The following ANKS1B variants were observed in gnomAD, a reference collection of about 807,000 sequenced individuals.
The protein encoded by ANKS1B is ankyrin repeat and sterile alpha motif domain containing 1B, also known as ankyrin repeat and sterile alpha motif domain-containing protein 1B.
Under a neutral mutation model 148.3 loss-of-function variants are expected in ANKS1B, and 36 were observed. The observed-to-expected ratio is 0.24, with a 90% CI of 0.19 to 0.32. ANKS1B has a LOEUF of 0.32. Among genes scored for constraint, ANKS1B ranks in the 10% least tolerant of loss-of-function variants. The probability of loss-of-function intolerance (pLI) is 1.00; values close to 1 mark genes in which losing one functional copy is unlikely to be tolerated. For synonymous variants in ANKS1B, 542 were observed against 560.8 expected, an observed-to-expected ratio of 0.97 and a Z score of 0.47; for missense variants, 1,157 against 1,542.6, an observed-to-expected ratio of 0.75 and a Z score of 4.19.
In ANKS1B at chr12:98,783,078, G is replaced by A. The variant is rs148461137; in HGVS notation, c.3343-941C>T. 2.2e-3 allele frequency among the ~76,000 whole-genome samples: 330 copies of A among 152,320 alleles called. 1 individual carries two copies. Among genetic ancestry groups the A allele is most frequent in the African/African-American group, 6.9e-3 (288 of 41,566 alleles). ...TCTGCAAAGCGTCACAGTGGATTTC[G>A]GTAAATCACCTCACTTATCTTTTGC... On this transcript the variant is annotated intron_variant, in intron 22 of 26. Coordinates refer to ENST00000683438, the MANE Select transcript of ANKS1B (RefSeq NM_001352186.2).
At chr12:99,711,957 A>G (rs985880302) in intron 8 of ANKS1B, among the ~76,000 whole-genome samples, 2 of 152,340 alleles carry the variant, frequency 1.3e-5, no homozygotes, top group Admixed American at 6.5e-5. Flanking sequence ...ATGCCCATCA[A>G]TGATAGACTG....
intron 9 of ANKS1B, among the ~76,000 whole-genome samples, chr12:99,608,696 C>T (rs1324395730): frequency 2.6e-5 from 4 of 152,026 alleles, no homozygotes; most frequent in African/African-American, 9.7e-5. Context: ...TTAGGGAAGA[C>T]ACAGGACCAA....
intron 1 of ANKS1B, among the ~76,000 whole-genome samples, chr12:99,938,541 T>A (rs140833492): frequency 6.6e-6 from 1 of 152,154 alleles, no homozygotes; most frequent in African/African-American, 2.4e-5. Context: ...GACTAACACA[T>A]CTTTCTTCTT....
rs980339255 is a variant in ANKS1B at position 99,326,597 on chromosome 12, C to T, written c.1756+73034G>A. 1.1e-4 allele frequency among the ~76,000 whole-genome samples: 16 copies of T among 152,134 alleles called. No individual in the cohort carries two copies. The South Asian group carries it at 3.3e-3, about 32-fold the overall frequency. On this transcript the variant is annotated intron_variant, in intron 12 of 26. Transcript: ENST00000683438. ...GACTACATTAACATTGTTAAATTCC[C>T]AGTACAGGACTTGAGGGATGAACTA...
chr12:99,305,314 T>C (rs1180726051), intron 12 of ANKS1B, among the ~76,000 whole-genome samples: 3 of 152,052 alleles, frequency 2.0e-5, no homozygotes, highest in Non-Finnish European at 4.4e-5. Flanking sequence ...AGTACCTATT[T>C]TACAAATTGT....
chr12:99,425,382 A>C (rs907241059), intron 11 of ANKS1B, among the ~76,000 whole-genome samples: 1 of 152,006 alleles, frequency 6.6e-6, no homozygotes, highest in Non-Finnish European at 1.5e-5. Flanking sequence ...TGTTATAAAT[A>C]GTAGTACAAT....
In ANKS1B at chr12:99,864,079, C is replaced by CAAA. The variant is rs11445634; in HGVS notation, c.135-38693_135-38691dup. Reference sequence around the variant, plus strand: ...CTGGCAACAGAGCGAGACTACATCTCAAAAAAAAAAAAAAAAAAAAAAGTA... The same window carrying CAAA: ...CTGGCAACAGAGCGAGACTACATCTCAAAAAAAAAAAAAAAAAAAAAAAAAGTA... On this transcript the variant is annotated intron_variant, in intron 1 of 26. Transcript: ENST00000683438. Among the ~76,000 whole-genome samples, 200 of 64,590 alleles carry CAAA rather than the reference C, an allele frequency of 3.1e-3. 3 individuals are homozygous for CAAA. The highest frequency in any genetic ancestry group is 6.6e-3 in the East Asian group (10 of 1,512). The allele number at this position is 64,590 out of a possible 152,430, so 42.4% of individuals were successfully genotyped here.
At chr12:99,206,040 A>C (rs2082629663) in intron 14 of ANKS1B, among the ~76,000 whole-genome samples, 1 of 152,188 alleles carries the variant, frequency 6.6e-6, no homozygotes, top group African/African-American at 2.4e-5. Context: ...CTATTAGAGC[A>C]ACCCACCACC....
intron 9 of ANKS1B, among the ~76,000 whole-genome samples, chr12:99,528,483 A>C (rs75845450): frequency 0.21 from 31,631 of 150,912 alleles, 3,536 homozygotes; most frequent in East Asian, 0.3. Flanking sequence ...GACAACCTAC[A>C]GAATGGGAGA....
chr12:99,126,756 A>C (rs2064479575), intron 15 of ANKS1B, among the ~76,000 whole-genome samples: 1 of 152,176 alleles, frequency 6.6e-6, no homozygotes, highest in East Asian at 1.9e-4. Context: ...AGAAAATATA[A>C]ATGATCTGTG....
intron 14 of ANKS1B, among the ~76,000 whole-genome samples, chr12:99,161,606 C>G (rs2076666237): frequency 6.6e-6 from 1 of 152,074 alleles, no homozygotes; most frequent in South Asian, 2.1e-4. Flanking sequence ...CTAATAGCTA[C>G]AGTAGGGAAA....
chr12:99,009,617 T>A (rs1442132593), intron 17 of ANKS1B, among the ~76,000 whole-genome samples: 1 of 152,262 alleles, frequency 6.6e-6, no homozygotes, highest in East Asian at 1.9e-4. Flanking sequence ...TTTCCCTGTT[T>A]CCTAGTAATG....
At position 99,245,110 on chromosome 12, in the gene ANKS1B, G is replaced by A. The variant is rs190388828; in HGVS notation, c.2347-696C>T. Among the ~76,000 whole-genome samples the A allele has an allele frequency of 1.3e-4, 20 of 152,064 alleles. No homozygotes were observed. In the East Asian group the frequency reaches 1.5e-3, roughly 12 times the overall value. On this transcript the variant is annotated intron_variant, in intron 13 of 26. Coordinates refer to ENST00000683438, the MANE Select transcript of ANKS1B (RefSeq NM_001352186.2). The stretch of plus-strand genomic sequence containing the variant: ...CCTCAAGTGATCTACCTGCCTCGGC[G>A]TCCCAAAGTGCTAGGATTACAGGCA...
At chr12:98,937,079 C>T (rs568529859) in intron 17 of ANKS1B, among the ~76,000 whole-genome samples, 1 of 152,244 alleles carries the variant, frequency 6.6e-6, no homozygotes, top group South Asian at 2.1e-4. Context: ...CTCACTTTTC[C>T]AACTCTCCCT....
chr12:99,477,314 A>G (rs1385634556), intron 10 of ANKS1B, among the ~76,000 whole-genome samples: 4 of 152,290 alleles, frequency 2.6e-5, no homozygotes, highest in Non-Finnish European at 4.4e-5. Flanking sequence ...GGAAACTGAT[A>G]CAGCTGTTTT....
At chr12:99,562,626 CAA>C (rs2097348516) in intron 9 of ANKS1B, among the ~76,000 whole-genome samples, 1 of 152,168 alleles carries the variant, frequency 6.6e-6, no homozygotes, top group East Asian at 1.9e-4. Flanking sequence ...GAAGGGGAAG[CAA>C]ATATGTCCTT....
At chr12:99,959,552 A>G (rs2095378599) in intron 1 of ANKS1B, among the ~76,000 whole-genome samples, 2 of 152,192 alleles carry the variant, frequency 1.3e-5, no homozygotes, top group African/African-American at 2.4e-5. Context: ...ACTTTAACAG[A>G]GGTAAGTATT....
chr12:99,211,912 A>T (rs748533033), intron 14 of ANKS1B, among the ~76,000 whole-genome samples: 9 of 152,162 alleles, frequency 5.9e-5, no homozygotes, highest in Admixed American at 1.3e-4. Flanking sequence ...TGGTGAAGTG[A>T]CAAGAAATAT....
At chr12:99,261,581 C>T (rs2059046740) in intron 12 of ANKS1B, among the ~76,000 whole-genome samples, 1 of 152,060 alleles carries the variant, frequency 6.6e-6, no homozygotes, top group African/African-American at 2.4e-5. Flanking sequence ...CTTAGTTATC[C>T]TTATGCCTCC....
Sources: gnomAD v4.1 joint callset for allele counts (sites outside exome capture counted in the v4.1 genomes callset) on GRCh38, gnomAD v4.1.1 for gene constraint, MANE v1.5 for transcripts, NCBI Gene and HGNC (gene_info 2026-07-23, HGNC 2026-07-21) for gene names.